PEX7: variants seen among roughly 807,000 people sequenced by gnomAD.
The protein encoded by PEX7 is PTS2 receptor.
In PEX7, 34 loss-of-function variants were observed where a neutral mutation model predicts 47.5. The observed-to-expected ratio is 0.72, with a 90% confidence interval of 0.54 to 0.95. The LOEUF (loss-of-function observed/expected upper bound fraction) is 0.95, where lower values mean the gene tolerates loss of function less well. Ranked by LOEUF, PEX7 falls within the 40% of genes least tolerant of loss-of-function variation. PEX7 has a pLI of 0.00. For synonymous variants in PEX7, 141 were observed against 148.8 expected (o/e 0.95, Z 0.38); for missense variants, 394 against 400.3 (o/e 0.98, Z 0.13).
intron 8 of PEX7, among the ~76,000 whole-genome samples, chr6:136,893,831 C>T (rs898508912): frequency 1.3e-5 from 2 of 152,016 alleles, no homozygotes; most frequent in African/African-American, 4.8e-5. Context: ...GAAAGACTTA[C>T]AAGTAATTCA....
intron 5 of PEX7, among the ~76,000 whole-genome samples, chr6:136,861,934 C>T (rs982617676): frequency 2.8e-5 from 4 of 144,162 alleles, no homozygotes; most frequent in Admixed American, 7.0e-5. Flanking sequence ...GTGACATCCA[C>T]GTCACCCTGC....
chr6:136,848,989 T>A (rs1470978520), intron 5 of PEX7, among the ~76,000 whole-genome samples: 1 of 152,214 alleles, frequency 6.6e-6, no homozygotes, highest in East Asian at 1.9e-4. Context: ...TCTGGAGTTT[T>A]CTTGGTTGGT....
chr6:136,874,531 G>C (rs1159683040), intron 8 of PEX7, among the ~76,000 whole-genome samples: 1 of 151,706 alleles, frequency 6.6e-6, no homozygotes, highest in Non-Finnish European at 1.5e-5. Context: ...AATTAGCCAC[G>C]CATGATGGCA....
intron 5 of PEX7, among the ~76,000 whole-genome samples, chr6:136,860,341 G>T (rs1248299333): frequency 1.3e-5 from 2 of 151,536 alleles, no homozygotes; most frequent in African/African-American, 4.9e-5. Flanking sequence ...CTCAGCTCCT[G>T]CCCAGCAGTC....
chr6:136,834,892 T>A (rs139761659), intron 3 of PEX7, among the ~76,000 whole-genome samples: 1 of 152,300 alleles, frequency 6.6e-6, no homozygotes, highest in Non-Finnish European at 1.5e-5. Flanking sequence ...TTTTAATACT[T>A]AACATAAAAA....
chr6:136,911,209 C>A (rs992920777), intron 9 of PEX7, among the ~76,000 whole-genome samples: 1 of 151,810 alleles, frequency 6.6e-6, no homozygotes, highest in Admixed American at 6.6e-5. Flanking sequence ...GTTTGTTTAC[C>A]TTAGATGAGT....
intron 5 of PEX7, among the ~76,000 whole-genome samples, chr6:136,854,253 G>A (rs763891325): frequency 3.3e-5 from 5 of 152,106 alleles, no homozygotes; most frequent in Non-Finnish European, 5.9e-5. Flanking sequence ...CTGGAGTGCA[G>A]TGGTACAATC....
chr6:136,863,863 C>T (rs1052212841), intron 5 of PEX7, among the ~76,000 whole-genome samples: 4 of 152,104 alleles, frequency 2.6e-5, no homozygotes, highest in East Asian at 1.9e-4. Context: ...GAGCTGAGAT[C>T]GCATCACTGC....
intron 5 of PEX7, among the ~76,000 whole-genome samples, chr6:136,849,090 G>T (rs1288232851): frequency 6.6e-6 from 1 of 152,150 alleles, no homozygotes; most frequent in Non-Finnish European, 1.5e-5. Flanking sequence ...GAGGGTGTAT[G>T]TGTCAAGGAA....
At chr6:136,867,401 C>T (rs918265581) in intron 6 of PEX7, among the ~76,000 whole-genome samples, 3 of 151,474 alleles carry the variant, frequency 2.0e-5, no homozygotes, top group Non-Finnish European at 4.4e-5. Context: ...TCCAGCAGGA[C>T]AAGATGTGAA....
At chr6:136,908,486 G>C (rs1775880043) in intron 9 of PEX7, among the ~76,000 whole-genome samples, 1 of 151,970 alleles carries the variant, frequency 6.6e-6, no homozygotes, top group Non-Finnish European at 1.5e-5. Flanking sequence ...TTGATGAAAA[G>C]ATTAGCATGT....
chr6:136,846,949 G>A (rs1029619319), intron 5 of PEX7, among the ~76,000 whole-genome samples: 16 of 152,166 alleles, frequency 1.1e-4, no homozygotes, highest in Non-Finnish European at 1.5e-4. Context: ...CTAGTTTACA[G>A]TCCCACCAAC....
chr6:136,870,338 T>TATAA (rs1775151470), intron 7 of PEX7, among the ~76,000 whole-genome samples: 1 of 152,232 alleles, frequency 6.6e-6, no homozygotes. Flanking sequence ...AGTTTCTAAT[T>TATAA]AGCGAGAGTC....
chr6:136,828,840 A>G (rs1037609041), intron 3 of PEX7, among the ~76,000 whole-genome samples: 15 of 152,242 alleles, frequency 9.9e-5, no homozygotes, highest in African/African-American at 3.4e-4. Context: ...TGAGTCTGCT[A>G]GTAACACACT....
At chr6:136,889,342 A>G (rs1775518406) in intron 8 of PEX7, among the ~76,000 whole-genome samples, 1 of 152,226 alleles carries the variant, frequency 6.6e-6, no homozygotes, top group Admixed American at 6.5e-5. Context: ...TTGATTTTAA[A>G]TAGCTTGCTT....
chr6:136,878,282 T>C (rs1775312692), intron 8 of PEX7, among the ~76,000 whole-genome samples: 1 of 152,192 alleles, frequency 6.6e-6, no homozygotes, highest in Non-Finnish European at 1.5e-5. Context: ...TCTTCCTATT[T>C]GAAATCCCTT....
rs1775327530 is a variant in PEX7, at chr6:136,878,983, TTTA to T, written c.803+6733_803+6735del. 4.6e-5 allele frequency among the ~76,000 whole-genome samples: 7 copies of T among 152,244 alleles called. 1 individual carries two copies. In the Middle Eastern group the frequency reaches 0.014, roughly 296 times the overall value. ...TAAGTTTTCTGAAAAAAATTAACCGTTTATTGCCTGGTTGTGAGTTTTTCATTA... is the reference window on the plus strand; with the variant it reads ...TAAGTTTTCTGAAAAAAATTAACCGTTTGCCTGGTTGTGAGTTTTTCATTA... On this transcript the variant is annotated intron_variant, in intron 8 of 9. Coordinates refer to ENST00000318471, the MANE Select transcript of PEX7 (RefSeq NM_000288.4).
intron 9 of PEX7, among the ~76,000 whole-genome samples, chr6:136,911,440 C>CAA (rs1775930901): frequency 2.0e-5 from 3 of 152,070 alleles, no homozygotes; most frequent in African/African-American, 7.2e-5. Context: ...GAGTCTCACT[C>CAA]TGTTGCCTAG....
intron 8 of PEX7, among the ~76,000 whole-genome samples, chr6:136,879,716 A>G (rs1775344048): frequency 6.6e-6 from 1 of 151,860 alleles, no homozygotes; most frequent in African/African-American, 2.4e-5. Flanking sequence ...TAATTGTTTT[A>G]TTTTCTGTGG....
Sources: allele counts gnomAD v4.1 joint callset (sites outside exome capture counted in the v4.1 genomes callset), GRCh38; gene constraint gnomAD v4.1.1; transcripts MANE v1.5; gene names NCBI Gene and HGNC (gene_info 2026-07-23, HGNC 2026-07-21).